Variants in MRTFB observed in about 807,000 individuals in gnomAD.
The protein encoded by MRTFB is myocardin related transcription factor B, also known as myocardin-related transcription factor B.
Under a neutral mutation model 104.2 loss-of-function variants are expected in MRTFB, and 29 were observed. The ratio of observed to expected loss-of-function variants is 0.28; its 90% confidence interval spans 0.21 to 0.38. The LOEUF (loss-of-function observed/expected upper bound fraction) is 0.38. Ranked by LOEUF, MRTFB falls within the 10% of genes least tolerant of loss-of-function variation. The probability of loss-of-function intolerance (pLI) is 1.00; values close to 1 mark genes in which losing one functional copy is unlikely to be tolerated. For synonymous variants in MRTFB, 535 were observed against 519.5 expected (o/e 1.03, Z -0.41); for missense variants, 1,270 against 1,341.6 (o/e 0.95, Z 0.83).
In MRTFB at chr16:14,247,128, A is replaced by C; in HGVS notation, c.1868A>C (p.His623Pro). Residue 623 changes from histidine (H) to proline (P), a missense_variant, in exon 12 of 17, where the codon CAT becomes CCT. Physicochemically the swap from His to Pro is moderately conservative, Grantham distance 77. Around this residue, in one of 3 missense-constraint regions of MRTFB, gnomAD observed 1,144 missense variants for 1,131.5 expected, o/e 1.01. Transcript: ENST00000571589. ...GAAGCCCAGCCCAGTGCCCCAGGTC[A>C]TTCTGTCAAGTCAGATCAGAAGCAC... is the stretch of plus-strand genomic sequence containing the variant. Reference protein sequence around the residue: ...PLEAQPSAPGHSVKSDQKHGS... With the variant: ...PLEAQPSAPGPSVKSDQKHGS... The C allele has an allele frequency of 6.2e-7, 1 of 1,614,174 alleles. No homozygotes were observed. The highest frequency in any genetic ancestry group is 1.1e-5 in the South Asian group (1 of 91,090).
At chr16:14,016,639 G>A in the MRTFB span, among the ~76,000 whole-genome samples, 11 of 151,882 alleles carry the variant, frequency 7.2e-5, no homozygotes, top group African/African-American at 2.7e-4. Flanking sequence ...CAGGAGTGGC[G>A]GCGCATGCCT....
At chr16:14,245,031 T>A (rs2042951686) in intron 10 of MRTFB, among the ~76,000 whole-genome samples, 1 of 152,226 alleles carries the variant, frequency 6.6e-6, no homozygotes, top group Admixed American at 6.5e-5. Flanking sequence ...AGAGCCATGT[T>A]TTTTTCTGTG....
intron 3 of MRTFB, among the ~76,000 whole-genome samples, chr16:14,146,615 T>C (rs1023915309): frequency 6.6e-6 from 1 of 152,210 alleles, no homozygotes; most frequent in African/African-American, 2.4e-5. Context: ...CAGGTGAACT[T>C]TGCCTAGCCA....
At chr16:14,030,497 G>A in the MRTFB span, among the ~76,000 whole-genome samples, 33 of 152,174 alleles carry the variant, frequency 2.2e-4, no homozygotes, top group Non-Finnish European at 4.4e-5. Flanking sequence ...CATTCTGGGG[G>A]TGAAATAAGA....
chr16:14,102,816 G>A (rs1303686852), intron 2 of MRTFB, among the ~76,000 whole-genome samples: 1 of 152,182 alleles, frequency 6.6e-6, no homozygotes, highest in Non-Finnish European at 1.5e-5. Context: ...CACATAGTAT[G>A]TGTGTCTGCC....
At position 14,251,888 on chromosome 16, in the gene MRTFB, T is replaced by C. The variant is rs777127737; in HGVS notation, c.2430T>C (p.Asn810=). The C allele has an allele frequency of 6.2e-7, 1 of 1,614,200 alleles. No homozygotes were observed. The highest frequency in any genetic ancestry group is 2.2e-5 in the East Asian group (1 of 44,888). Residue 810 remains asparagine, a synonymous_variant, in exon 14 of 17, where the codon AAT becomes AAC. Transcript: ENST00000571589. ...TTTTCACAAACTCAGCATCATCAAA[T>C]ACAGTTCTTCCATATCAGAGACATC... ...RKVFTNSASS[N]TVLPYQRHPA...
chr16:14,259,693 A>G (rs1321128128), intron 16 of MRTFB, among the ~76,000 whole-genome samples: 1 of 152,128 alleles, frequency 6.6e-6, no homozygotes, highest in Non-Finnish European at 1.5e-5. Flanking sequence ...GGAGGCTGCA[A>G]TGAGCTGAGA....
intron 3 of MRTFB, among the ~76,000 whole-genome samples, chr16:14,169,446 A>ATT (rs5815815): frequency 6.6e-6 from 1 of 151,894 alleles, no homozygotes; most frequent in African/African-American, 2.4e-5. Flanking sequence ...AACTTTGCCC[A>ATT]TTTTTTAACC....
In MRTFB at chr16:14,246,738, C is replaced by T. The variant is rs1333441345; in HGVS notation, c.1478C>T (p.Ala493Val). Residue 493 changes from alanine to valine, a missense_variant, in exon 12 of 17, where the codon GCA becomes GTA. Ala to Val is a moderately conservative substitution (Grantham distance 64). This residue lies in a region of MRTFB where 1,144 missense variants were observed against 1,131.5 expected (regional missense o/e 1.01). Coordinates refer to ENST00000571589, the MANE Select transcript of MRTFB (RefSeq NM_001308142.2). ...TTGCCACCTACAGGAACCAGCAACGCAACCCGTGTGGAAAATGTTCATTCC... is the reference window on the plus strand; with the variant it reads ...TTGCCACCTACAGGAACCAGCAACGTAACCCGTGTGGAAAATGTTCATTCC... ...AELPPTGTSN[A>V]TRVENVHSPL... The T allele has an allele frequency of 6.2e-7, 1 of 1,614,224 alleles. No homozygotes were observed. The highest frequency in any genetic ancestry group is 1.3e-5 in the African/African-American group (1 of 75,054).
At chr16:14,219,779 T>A (rs2041601823) in intron 8 of MRTFB, among the ~76,000 whole-genome samples, 1 of 152,194 alleles carries the variant, frequency 6.6e-6, no homozygotes, top group African/African-American at 2.4e-5. Flanking sequence ...AATATGTTTA[T>A]TTGTTTGTTG....
chr16:14,018,276 T>A, the MRTFB span, among the ~76,000 whole-genome samples: 1 of 152,158 alleles, frequency 6.6e-6, no homozygotes, highest in African/African-American at 2.4e-5. Context: ...TCTCTGAGCT[T>A]CAGTTTCCCC....
chr16:14,206,237 C>G (rs1425970734), intron 3 of MRTFB, among the ~76,000 whole-genome samples: 1 of 152,168 alleles, frequency 6.6e-6, no homozygotes, highest in Non-Finnish European at 1.5e-5. Context: ...TTTCAGGGTC[C>G]CTTACCCCTT....
At chr16:14,052,964 A>G in the MRTFB span, among the ~76,000 whole-genome samples, 3 of 152,098 alleles carry the variant, frequency 2.0e-5, no homozygotes, top group East Asian at 5.8e-4. Context: ...AGAACATATG[A>G]TATTTGTTTT....
chr16:14,024,489 G>T, the MRTFB span, among the ~76,000 whole-genome samples: 1 of 152,180 alleles, frequency 6.6e-6, no homozygotes, highest in Admixed American at 6.5e-5. Context: ...CCACTGCAGA[G>T]GGCAGCCTGG....
chr16:14,079,370 A>AT lies in MRTFB; in HGVS notation c.-64+25dup, dbSNP rs1044831979. ...TCTTACCGAGGTAAGTTTTTTTATAATTTTTTTTTAACAAAGAAACTGTAA... is the reference window on the plus strand; with the variant it reads ...TCTTACCGAGGTAAGTTTTTTTATAATTTTTTTTTTAACAAAGAAACTGTAA... On this transcript the variant is annotated intron_variant, in intron 2 of 16. Coordinates refer to ENST00000571589, the MANE Select transcript of MRTFB (RefSeq NM_001308142.2). 3.9e-4 allele frequency: 135 copies of AT among 344,474 alleles called. No homozygotes were observed. The highest frequency in any genetic ancestry group is 1.1e-3 in the African/African-American group (53 of 47,348). 21.3% of individuals were successfully genotyped at this position (344,474 alleles called of 1,614,324 possible).
At chr16:14,165,522 T>C (rs1003842576) in intron 3 of MRTFB, among the ~76,000 whole-genome samples, 1 of 152,224 alleles carries the variant, frequency 6.6e-6, no homozygotes, top group African/African-American at 2.4e-5. Flanking sequence ...CGCCTTTGCC[T>C]TCTGTACCCT....
chr16:14,061,959 A>G, the MRTFB span, among the ~76,000 whole-genome samples: 1 of 152,228 alleles, frequency 6.6e-6, no homozygotes, highest in African/African-American at 2.4e-5. Flanking sequence ...TTCAAAGAAC[A>G]AAGAAGCCAA....
chr16:14,225,362 A>G (rs942422783), intron 8 of MRTFB, among the ~76,000 whole-genome samples: 2 of 152,218 alleles, frequency 1.3e-5, no homozygotes, highest in Non-Finnish European at 2.9e-5. Flanking sequence ...GATGTCAGTA[A>G]CATAGAGGGG....
At chr16:14,069,889 A>C (rs947942881), upstream of MRTFB, among the ~76,000 whole-genome samples, 1 of 152,274 alleles carries the variant, frequency 6.6e-6, no homozygotes, top group African/African-American at 2.4e-5. Flanking sequence ...AGCAGGGCTC[A>C]GCACTTTGTA....
Sources: allele counts gnomAD v4.1 joint callset (sites outside exome capture counted in the v4.1 genomes callset), GRCh38; gene constraint gnomAD v4.1.1; regional missense constraint gnomAD v4.1.1; transcripts MANE v1.5; gene names NCBI Gene and HGNC (gene_info 2026-07-23, HGNC 2026-07-21).